MAPKAP1: variants seen among roughly 807,000 people sequenced by gnomAD.
MAPKAP1 encodes MAPK associated protein 1.
Under a neutral mutation model 65.7 loss-of-function variants are expected in MAPKAP1, and 20 were observed. The ratio of observed to expected loss-of-function variants is 0.30; its 90% CI spans 0.21 to 0.44. The LOEUF is 0.44. Among genes scored for constraint, MAPKAP1 ranks in the 20% least tolerant of loss-of-function variants. The pLI is 1.00. For missense variants in MAPKAP1, 423 were observed against 648.0 expected (o/e 0.65, Z 3.77); for synonymous variants, 222 against 244.3 (o/e 0.91, Z 0.85).
chr9:125,578,662 G>A (rs12341245), intron 5 of MAPKAP1, among the ~76,000 whole-genome samples: 45,601 of 151,950 alleles, frequency 0.3, 7,909 homozygotes, highest in Middle Eastern at 0.4. Context: ...AAATAAGACC[G>A]GTTTATACTG....
At chr9:125,673,217 T>TTTGTTG (rs1172079002) in intron 1 of MAPKAP1, among the ~76,000 whole-genome samples, 1 of 152,084 alleles carries the variant, frequency 6.6e-6, no homozygotes, top group African/African-American at 2.4e-5. Context: ...GTATTGTGTT[T>TTTGTTG]TTGTTGTTGT....
chr9:125,622,118 G>T (rs936724961), intron 4 of MAPKAP1, among the ~76,000 whole-genome samples: 1 of 152,156 alleles, frequency 6.6e-6, no homozygotes, highest in Non-Finnish European at 1.5e-5. Context: ...AGAATTGTGG[G>T]TATTGGAGGC....
chr9:125,597,920 C>G (rs988118440), intron 4 of MAPKAP1, among the ~76,000 whole-genome samples: 2 of 152,076 alleles, frequency 1.3e-5, no homozygotes, highest in Non-Finnish European at 2.9e-5. Flanking sequence ...ACATAGTAGG[C>G]AGACTTGGTA....
At chr9:125,519,984 G>A (rs185972040) in intron 7 of MAPKAP1, among the ~76,000 whole-genome samples, 8 of 152,106 alleles carry the variant, frequency 5.3e-5, no homozygotes, top group African/African-American at 1.7e-4. Flanking sequence ...GTGTATCTAG[G>A]GAATGTTCTG....
chr9:125,624,484 G>T (rs1393440238), intron 4 of MAPKAP1, among the ~76,000 whole-genome samples: 1 of 101,890 alleles, frequency 9.8e-6, no homozygotes, highest in African/African-American at 3.4e-5. Flanking sequence ...GGAGGTAAGG[G>T]GCGCCTCTGC....
At chr9:125,655,513 G>A (rs766011607) in intron 4 of MAPKAP1, among the ~76,000 whole-genome samples, 71 of 152,228 alleles carry the variant, frequency 4.7e-4, no homozygotes, top group Non-Finnish European at 8.2e-4. Flanking sequence ...GTTACAAAAA[G>A]GCTTGACTCA....
chr9:125,459,759 G>A (rs1278214439), intron 10 of MAPKAP1, among the ~76,000 whole-genome samples: 1 of 151,776 alleles, frequency 6.6e-6, no homozygotes, highest in Non-Finnish European at 1.5e-5. Context: ...AGCCGAGATG[G>A]CAGCAGTACA....
intron 2 of MAPKAP1, among the ~76,000 whole-genome samples, chr9:125,670,644 C>T (rs1288999412): frequency 6.6e-6 from 1 of 152,144 alleles, no homozygotes; most frequent in Non-Finnish European, 1.5e-5. Flanking sequence ...ACAAGAGTCA[C>T]CTAAAATTAT....
At chr9:125,569,238 T>C (rs753499282) in intron 5 of MAPKAP1, among the ~76,000 whole-genome samples, 1 of 152,244 alleles carries the variant, frequency 6.6e-6, no homozygotes, top group East Asian at 1.9e-4. Context: ...TTAGGGTTCA[T>C]GTCATAGTTA....
chr9:125,526,765 T>G (rs1330660018), intron 7 of MAPKAP1, among the ~76,000 whole-genome samples: 1 of 151,826 alleles, frequency 6.6e-6, no homozygotes, highest in Non-Finnish European at 1.5e-5. Context: ...AGCATATATA[T>G]AGTTTTCTTT....
intron 10 of MAPKAP1, among the ~76,000 whole-genome samples, chr9:125,459,339 C>T (rs1164582243): frequency 6.7e-6 from 1 of 150,288 alleles, no homozygotes; most frequent in Non-Finnish European, 1.5e-5. Context: ...GACTGGGCAG[C>T]CAGGCAGAGG....
intron 1 of MAPKAP1, among the ~76,000 whole-genome samples, chr9:125,674,983 T>C (rs1437635613): frequency 6.6e-6 from 1 of 152,180 alleles, no homozygotes; most frequent in East Asian, 1.9e-4. Flanking sequence ...AATATGAAAT[T>C]AACAATGAGC....
chr9:125,606,400 G>A (rs368009810), intron 4 of MAPKAP1, among the ~76,000 whole-genome samples: 9 of 152,210 alleles, frequency 5.9e-5, no homozygotes, highest in African/African-American at 2.2e-4. Flanking sequence ...GAAGAAATGG[G>A]GTATAGTAGA....
intron 11 of MAPKAP1, among the ~76,000 whole-genome samples, chr9:125,440,706 G>A (rs1477285691): frequency 2.6e-5 from 4 of 152,216 alleles, no homozygotes; most frequent in Non-Finnish European, 4.4e-5. Flanking sequence ...CGTGAGTACA[G>A]AAGGCCTGAC....
At chr9:125,682,814 T>C (rs1404678371) in intron 1 of MAPKAP1, among the ~76,000 whole-genome samples, 1 of 152,202 alleles carries the variant, frequency 6.6e-6, no homozygotes, top group African/African-American at 2.4e-5. Flanking sequence ...TATTCATTCA[T>C]TGGTTTCATT....
chr9:125,596,833 GT>G, intron 4 of MAPKAP1, among the ~76,000 whole-genome samples: 1 of 151,976 alleles, frequency 6.6e-6, no homozygotes, highest in East Asian at 1.9e-4. Context: ...ATAACAGGTT[GT>G]TTTAGTTTTT....
intron 9 of MAPKAP1, chr9:125,471,837 T>C (rs1424061747): frequency 6.6e-6 from 1 of 152,276 alleles, no homozygotes; most frequent in Non-Finnish European, 1.5e-5. Flanking sequence ...TCAGTACAAT[T>C]TTCTCCTTAG....
intron 5 of MAPKAP1, among the ~76,000 whole-genome samples, chr9:125,564,199 G>A (rs1564560305): frequency 6.6e-6 from 1 of 152,150 alleles, no homozygotes; most frequent in Non-Finnish European, 1.5e-5. Flanking sequence ...AGGATGAAAG[G>A]GGAATTTTTA....
chr9:125,622,940 G>A (rs1832952960), intron 4 of MAPKAP1, among the ~76,000 whole-genome samples: 1 of 152,166 alleles, frequency 6.6e-6, no homozygotes, highest in South Asian at 2.1e-4. Context: ...CCGAATGCCT[G>A]CGATTGCAGG....
Sources: allele counts gnomAD v4.1 joint callset (sites outside exome capture counted in the v4.1 genomes callset), GRCh38; gene constraint gnomAD v4.1.1; transcripts MANE v1.5; gene names NCBI Gene and HGNC (gene_info 2026-07-23, HGNC 2026-07-21).